OTUD7A: variants seen among roughly 807,000 people sequenced by gnomAD.
OTUD7A encodes OTU deubiquitinase 7A, also known as OTU domain-containing protein 7A.
A neutral mutation model predicts 65.7 loss-of-function variants in OTUD7A; 12 were observed. The ratio of observed to expected loss-of-function variants is 0.18; its 90% CI spans 0.12 to 0.30. OTUD7A has a LOEUF of 0.30. OTUD7A is among the 10% of genes least tolerant of loss of function. The pLI is 1.00. For synonymous variants in OTUD7A, 641 were observed against 586.3 expected, an observed-to-expected ratio of 1.09 and a Z score of -1.35; for missense variants, 1,148 against 1,304.8, an observed-to-expected ratio of 0.88 and a Z score of 1.85.
intron 1 of OTUD7A, among the ~76,000 whole-genome samples, chr15:31,761,048 C>T (rs931891480): frequency 1.3e-5 from 2 of 151,954 alleles, no homozygotes; most frequent in Non-Finnish European, 2.9e-5. Context: ...TCATGAGCCT[C>T]CTAAACCTAA....
chr15:31,825,839 C>T (rs1218105902), intron 1 of OTUD7A, among the ~76,000 whole-genome samples: 1 of 152,224 alleles, frequency 6.6e-6, no homozygotes. Context: ...AAAGGGGCTA[C>T]AGGCCCCATG....
intron 3 of OTUD7A, among the ~76,000 whole-genome samples, chr15:31,581,707 G>A (rs554478245): frequency 1.1e-3 from 165 of 152,342 alleles, no homozygotes; most frequent in African/African-American, 3.8e-3. Context: ...AAAGCAGCAA[G>A]GCCCTGGGCC....
Position 31,483,261 on chromosome 15 carries a change from T to C in OTUD7A, c.*33A>G. On this transcript the variant is annotated 3_prime_UTR_variant, in exon 13 of 13. Transcript: ENST00000307050. ...ACAATGGAAAAGAAATCCTCGAAGGTAGAACCTCGCCGCCCGCGCCGCGCC... is the reference window on the plus strand; with the variant it reads ...ACAATGGAAAAGAAATCCTCGAAGGCAGAACCTCGCCGCCCGCGCCGCGCC... 5 of 1,073,336 alleles carry C rather than the reference T, an allele frequency of 4.7e-6. No individual in the cohort carries two copies. The highest frequency in any genetic ancestry group is 1.7e-5 in the African/African-American group (1 of 59,222). 66.5% of individuals were successfully genotyped at this position (1,073,336 alleles called of 1,614,324 possible). A position where few individuals can be genotyped will look rare whatever the true frequency, so the allele number is the denominator to read the frequency against.
At chr15:31,625,372 T>C (rs917709222) in intron 3 of OTUD7A, among the ~76,000 whole-genome samples, 1 of 151,100 alleles carries the variant, frequency 6.6e-6, no homozygotes, top group African/African-American at 2.4e-5. Context: ...AGATGACTAG[T>C]ACACCACAAT....
intron 1 of OTUD7A, among the ~76,000 whole-genome samples, chr15:31,807,500 G>C (rs1316064764): frequency 6.6e-6 from 1 of 152,146 alleles, no homozygotes; most frequent in African/African-American, 2.4e-5. Context: ...ACATGCCACA[G>C]GAAAGGCAGA....
intron 1 of OTUD7A, among the ~76,000 whole-genome samples, chr15:31,783,123 A>C (rs1378494558): frequency 6.6e-6 from 1 of 152,220 alleles, no homozygotes; most frequent in African/African-American, 2.4e-5. Flanking sequence ...AGCCGGGAAG[A>C]AACCAAAAAG....
chr15:31,736,843 G>T (rs1302737142), intron 1 of OTUD7A, among the ~76,000 whole-genome samples: 1 of 151,836 alleles, frequency 6.6e-6, no homozygotes, highest in African/African-American at 2.4e-5. Context: ...GGGGCGGGGG[G>T]ACGGAGTCTC....
intron 1 of OTUD7A, among the ~76,000 whole-genome samples, chr15:31,669,394 CCTCTGCTGAGTCATGCAGG>C (rs1189136942): frequency 1.3e-5 from 2 of 152,120 alleles, no homozygotes; most frequent in Non-Finnish European, 2.9e-5. Flanking sequence ...ATTATGGTTG[CCTCTGCTGAGTCATGCAGG>C]CTGTCAGGGA....
chr15:31,588,947 G>A (rs1027674783), intron 3 of OTUD7A, among the ~76,000 whole-genome samples: 11 of 152,192 alleles, frequency 7.2e-5, no homozygotes, highest in African/African-American at 2.4e-4. Context: ...AGCCTATGAT[G>A]GGCCAGCCTA....
intron 3 of OTUD7A, among the ~76,000 whole-genome samples, chr15:31,571,299 T>A (rs1889047001): frequency 6.6e-6 from 1 of 152,214 alleles, no homozygotes; most frequent in South Asian, 2.1e-4. Flanking sequence ...TCTTCTCATC[T>A]TTTCCATTTT....
At chr15:31,775,194 C>T (rs1162123554) in intron 1 of OTUD7A, among the ~76,000 whole-genome samples, 1 of 152,044 alleles carries the variant, frequency 6.6e-6, no homozygotes, top group Non-Finnish European at 1.5e-5. Flanking sequence ...CATCTTTATT[C>T]ACTTTCTGAA....
intron 3 of OTUD7A, among the ~76,000 whole-genome samples, chr15:31,597,946 G>A (rs1279338292): frequency 5.3e-5 from 8 of 152,182 alleles, no homozygotes; most frequent in Admixed American, 2.6e-4. Flanking sequence ...AAAAGCAGTG[G>A]GAACTTTCGA....
chr15:31,867,423 C>A (rs1408870752), intron 1 of OTUD7A, among the ~76,000 whole-genome samples: 1 of 152,148 alleles, frequency 6.6e-6, no homozygotes. Flanking sequence ...GAGCAAAGTG[C>A]CCCTTCCCTC....
intron 1 of OTUD7A, among the ~76,000 whole-genome samples, chr15:31,864,760 TACACACACAC>T (rs72128495): frequency 3.3e-4 from 49 of 146,574 alleles, no homozygotes; most frequent in East Asian, 2.2e-3. Context: ...CTCCTCTTCC[TACACACACAC>T]ACACACACAC....
At chr15:31,729,482 G>C (rs1566991856) in intron 1 of OTUD7A, among the ~76,000 whole-genome samples, 1 of 152,188 alleles carries the variant, frequency 6.6e-6, no homozygotes, top group Non-Finnish European at 1.5e-5. Flanking sequence ...TGCATTTAAA[G>C]TAGTAAAGAA....
At chr15:31,633,154 CT>C (rs1891232276) in intron 3 of OTUD7A, among the ~76,000 whole-genome samples, 1 of 152,224 alleles carries the variant, frequency 6.6e-6, no homozygotes, top group African/African-American at 2.4e-5. Flanking sequence ...GTGGCACTCC[CT>C]AGTGAGATGA....
intron 3 of OTUD7A, among the ~76,000 whole-genome samples, chr15:31,584,823 G>A (rs1889479886): frequency 6.6e-6 from 1 of 152,178 alleles, no homozygotes; most frequent in African/African-American, 2.4e-5. Context: ...TCAAGATCAT[G>A]ATGGCCTGCC....
At chr15:31,751,508 T>C (rs1294494786) in intron 1 of OTUD7A, among the ~76,000 whole-genome samples, 3 of 152,224 alleles carry the variant, frequency 2.0e-5, no homozygotes, top group Non-Finnish European at 4.4e-5. Flanking sequence ...AGTTTGGAGA[T>C]GTCTCAAAGA....
At chr15:31,673,951 A>G (rs1213998280) in intron 1 of OTUD7A, among the ~76,000 whole-genome samples, 1 of 152,244 alleles carries the variant, frequency 6.6e-6, no homozygotes, top group Non-Finnish European at 1.5e-5. Context: ...ATACCGGATA[A>G]TAAGTATGCT....
Sources: gnomAD v4.1 joint callset for allele counts (sites outside exome capture counted in the v4.1 genomes callset) on GRCh38, gnomAD v4.1.1 for gene constraint, MANE v1.5 for transcripts, NCBI Gene and HGNC (gene_info 2026-07-23, HGNC 2026-07-21) for gene names.